Variants in KDM4A observed in about 807,000 individuals in gnomAD.
The protein encoded by KDM4A is lysine-specific demethylase 4A.
Under a neutral mutation model 127.1 loss-of-function variants are expected in KDM4A, and 23 were observed. That is an observed-to-expected ratio of 0.18 (90% CI 0.13 to 0.26). The LOEUF is 0.26. KDM4A is among the 10% of genes least tolerant of loss of function. KDM4A has a pLI of 1.00. For synonymous variants in KDM4A, 443 were observed against 466.5 expected (o/e 0.95, Z 0.65); for missense variants, 890 against 1,329.1 (o/e 0.67, Z 5.14).
At chr1:43,664,558 T>A (rs897943001) in intron 5 of KDM4A, among the ~76,000 whole-genome samples, 1 of 152,132 alleles carries the variant, frequency 6.6e-6, no homozygotes, top group Admixed American at 6.5e-5. Flanking sequence ...ATATCCACTT[T>A]CAGGTCTTTT....
chr1:43,676,972 C>T (rs1016518243), intron 11 of KDM4A, among the ~76,000 whole-genome samples: 4 of 152,114 alleles, frequency 2.6e-5, no homozygotes, highest in African/African-American at 9.7e-5. Context: ...CATTAATCTG[C>T]CTCTCTGCTG....
chr1:43,692,661 C>T (rs1405532811), intron 16 of KDM4A, among the ~76,000 whole-genome samples: 1 of 152,162 alleles, frequency 6.6e-6, no homozygotes, highest in African/African-American at 2.4e-5. Flanking sequence ...GGCTGGTATG[C>T]AGAGGCGGCC....
At chr1:43,651,699 G>A (rs915586309) in intron 1 of KDM4A, among the ~76,000 whole-genome samples, 9 of 152,144 alleles carry the variant, frequency 5.9e-5, no homozygotes, top group South Asian at 4.1e-4. Context: ...AGGACATACT[G>A]GTGTTCCTTC....
intron 11 of KDM4A, among the ~76,000 whole-genome samples, chr1:43,676,012 C>T (rs192761271): frequency 3.3e-4 from 47 of 143,960 alleles, no homozygotes; most frequent in Middle Eastern, 7.4e-3. Flanking sequence ...TGGTGGGGGG[C>T]GGAGGTTGCA....
chr1:43,689,969 A>G (rs982164702), intron 13 of KDM4A, among the ~76,000 whole-genome samples: 1 of 152,248 alleles, frequency 6.6e-6, no homozygotes, highest in South Asian at 2.1e-4. Context: ...AAGCAGATCT[A>G]CTAAGTAGGA....
In KDM4A at chr1:43,660,391, G is replaced by A; in HGVS notation, c.408G>A (p.Val136=). 6.2e-7 allele frequency: 1 copy of A among 1,606,896 alleles called. No homozygotes were observed. The highest frequency in any genetic ancestry group is 8.5e-7 in the Non-Finnish European group (1 of 1,175,858). Residue 136 remains valine (V), a synonymous_variant, in exon 4 of 22, where the codon GTG becomes GTA. Coordinates refer to ENST00000372396, the MANE Select transcript of KDM4A (RefSeq NM_014663.3). ...ATCCTCCAATCTATGGTGCAGATGT[G>A]AATGGTACCCTCTATGAAAAGGTGA... ...TFNPPIYGAD[V]NGTLYEKHVD...
At chr1:43,670,256 G>C (rs1216540325) in intron 10 of KDM4A, among the ~76,000 whole-genome samples, 1 of 152,170 alleles carries the variant, frequency 6.6e-6, no homozygotes, top group Non-Finnish European at 1.5e-5. Flanking sequence ...CCAAAGATGT[G>C]GTCTGCCGAC....
At chr1:43,690,659 T>A (rs1021178405) in intron 13 of KDM4A, 186 bp from the exon 14 acceptor site, 1 of 650,324 alleles carries the variant, frequency 1.5e-6, no homozygotes, top group East Asian at 2.6e-5. Context: ...GATGCTGCTG[T>A]GAGAAACTGA....
At chr1:43,654,459 CTTTTTTT>C (rs113258820) in intron 2 of KDM4A, among the ~76,000 whole-genome samples, 4 of 146,298 alleles carry the variant, frequency 2.7e-5, no homozygotes, top group Admixed American at 6.8e-5. Flanking sequence ...ATTCTTTTTT[CTTTTTTT>C]TTTTCTTTTT....
chr1:43,702,846 C>T (rs1661435763), intron 19 of KDM4A: 1 of 152,134 alleles, frequency 6.6e-6, no homozygotes, highest in Non-Finnish European at 1.5e-5. Flanking sequence ...GACTGGCCAA[C>T]ATGGTGAAAC....
chr1:43,662,820 A>T, intron 4 of KDM4A, 74 bp from the exon 5 acceptor site: 1 of 1,292,214 alleles, frequency 7.7e-7, no homozygotes, highest in South Asian at 1.4e-5. Context: ...CTTGTGACCT[A>T]CTCTGATTTG....
rs115945708 is a variant in KDM4A, at chr1:43,664,597, A to G, written c.624-1099A>G. ...AGCATCTTCAGCCATGTTCTTTCTCAGGGGTTTTCCTTTCTTCTTTCAAGT... is the reference window on the plus strand; with the variant it reads ...AGCATCTTCAGCCATGTTCTTTCTCGGGGGTTTTCCTTTCTTCTTTCAAGT... On this transcript the variant is annotated intron_variant, in intron 5 of 21. Coordinates refer to ENST00000372396, the MANE Select transcript of KDM4A (RefSeq NM_014663.3). Among the ~76,000 whole-genome samples the G allele has an allele frequency of 4.9e-3, 747 of 152,184 alleles. 7 individuals carry two copies. The highest frequency in any genetic ancestry group is 0.017 in the African/African-American group (720 of 41,502).
At chr1:43,667,325 C>A (rs1660520687) in intron 8 of KDM4A, among the ~76,000 whole-genome samples, 1 of 152,164 alleles carries the variant, frequency 6.6e-6, no homozygotes, top group Non-Finnish European at 1.5e-5. Context: ...AAACCACATC[C>A]ACACACGTTA....
intron 14 of KDM4A, 88 bp downstream of exon 14, chr1:43,691,137 C>G: frequency 3.0e-6 from 4 of 1,334,750 alleles, no homozygotes; most frequent in Non-Finnish European, 4.3e-6. Context: ...GCCTCCCAGC[C>G]CCAAAAAGAT....
In KDM4A at chr1:43,682,638, G is replaced by T. The variant is rs576067137; in HGVS notation, c.1735-1046G>T. On this transcript the variant is annotated intron_variant, in intron 11 of 21. Coordinates refer to ENST00000372396, the MANE Select transcript of KDM4A (RefSeq NM_014663.3). ...ATATTTGTTGAATGAATGGCAAATG[G>T]ATGGCAAAACTTGTTGGCAAAATGT... Among the ~76,000 whole-genome samples the T allele has an allele frequency of 4.6e-5, 7 of 152,304 alleles. No homozygotes were observed. The South Asian group carries it at 1.5e-3, about 32-fold the overall frequency.
At chr1:43,675,822 T>C (rs1660728178) in intron 11 of KDM4A, among the ~76,000 whole-genome samples, 1 of 152,108 alleles carries the variant, frequency 6.6e-6, no homozygotes, top group South Asian at 2.1e-4. Context: ...CCTGTAATCC[T>C]AGCAGTTTGG....
At chr1:43,673,626 G>C (rs1053008050) in intron 11 of KDM4A, among the ~76,000 whole-genome samples, 3 of 152,106 alleles carry the variant, frequency 2.0e-5, no homozygotes, top group African/African-American at 7.2e-5. Context: ...CACTGTGGTT[G>C]CAGGCTAATG....
intron 11 of KDM4A, among the ~76,000 whole-genome samples, chr1:43,676,466 G>A (rs559409517): frequency 1.7e-4 from 26 of 152,134 alleles, no homozygotes; most frequent in African/African-American, 5.1e-4. Context: ...GATTACAGGC[G>A]CCTGCCACCA....
intron 5 of KDM4A, 105 bp from the exon 6 acceptor site, chr1:43,665,591 T>G: frequency 1.1e-6 from 1 of 911,986 alleles, no homozygotes; most frequent in Non-Finnish European, 1.7e-6. Flanking sequence ...CTTGGGAAGT[T>G]AAAAAAAAAA....
Sources: gnomAD v4.1 joint callset for allele counts (sites outside exome capture counted in the v4.1 genomes callset) on GRCh38, gnomAD v4.1.1 for gene constraint, MANE v1.5 for transcripts, NCBI Gene and HGNC (gene_info 2026-07-23, HGNC 2026-07-21) for gene names.